PIP4K2A: variants seen among roughly 807,000 people sequenced by gnomAD.
PIP4K2A encodes phosphatidylinositol-5-phosphate 4-kinase type 2 alpha.
In PIP4K2A, 14 loss-of-function variants were observed where a neutral mutation model predicts 42.9. The ratio of observed to expected loss-of-function variants is 0.33; its 90% CI spans 0.22 to 0.51. The LOEUF (loss-of-function observed/expected upper bound fraction) is 0.51, where lower values mean the gene tolerates loss of function less well. Ranked by LOEUF, PIP4K2A falls within the 20% of genes least tolerant of loss-of-function variation. The probability of loss-of-function intolerance (pLI) is 0.97; values close to 1 mark genes in which losing one functional copy is unlikely to be tolerated. For missense variants in PIP4K2A, 434 were observed against 519.8 expected, an observed-to-expected ratio of 0.83 and a Z score of 1.61; for synonymous variants, 192 against 192.2, an observed-to-expected ratio of 1.00 and a Z score of 0.01.
At chr10:22,710,151 T>C (rs971906757) in intron 1 of PIP4K2A, among the ~76,000 whole-genome samples, 1 of 151,744 alleles carries the variant, frequency 6.6e-6, no homozygotes, top group Non-Finnish European at 1.5e-5. Flanking sequence ...TAATCAAAGC[T>C]ACTGACGCTC....
At chr10:22,558,309 C>A (rs566872762) in intron 6 of PIP4K2A, among the ~76,000 whole-genome samples, 35 of 152,284 alleles carry the variant, frequency 2.3e-4, no homozygotes, top group African/African-American at 8.4e-4. Flanking sequence ...TAAAAATCAG[C>A]ATCTATGGAA....
At chr10:22,678,587 T>C (rs556159839) in intron 1 of PIP4K2A, among the ~76,000 whole-genome samples, 1 of 152,328 alleles carries the variant, frequency 6.6e-6, no homozygotes, top group East Asian at 1.9e-4. Context: ...CTTTATGAAA[T>C]GAGTTTGCTG....
chr10:22,711,973 C>A (rs559673569), intron 1 of PIP4K2A, among the ~76,000 whole-genome samples: 1 of 152,206 alleles, frequency 6.6e-6, no homozygotes, highest in South Asian at 2.1e-4. Flanking sequence ...AAAATAAAGA[C>A]AGTTGGATAA....
rs143934507 is a variant in PIP4K2A at position 22,540,587 on chromosome 10, T to G, written c.1037-513A>C. ...ATTTTCTTTTTTTGAGACAGAGTTT[T>G]GTTCTTGTTGCCCAGGCTGGAGTGC... On this transcript the variant is annotated intron_variant, in intron 8 of 9. Transcript: ENST00000376573. Among the ~76,000 whole-genome samples, 488 of 152,274 alleles carry G rather than the reference T, an allele frequency of 3.2e-3. 1 individual carries two copies. The highest frequency in any genetic ancestry group is 0.011 in the African/African-American group (473 of 41,548).
chr10:22,637,226 TG>T (rs1838685731), intron 1 of PIP4K2A, among the ~76,000 whole-genome samples: 1 of 152,332 alleles, frequency 6.6e-6, no homozygotes, highest in African/African-American at 2.4e-5. Flanking sequence ...TTGGTCTCTC[TG>T]GAACTAAGCA....
chr10:22,616,528 C>A (rs975050819), intron 1 of PIP4K2A, among the ~76,000 whole-genome samples: 2 of 152,186 alleles, frequency 1.3e-5, no homozygotes, highest in Admixed American at 6.5e-5. Context: ...ACATAACTCA[C>A]ATGAGTTACC....
At chr10:22,596,981 AGT>A (rs1193507160) in intron 3 of PIP4K2A, among the ~76,000 whole-genome samples, 1 of 152,204 alleles carries the variant, frequency 6.6e-6, no homozygotes, top group Non-Finnish European at 1.5e-5. Context: ...GCCAATTTAG[AGT>A]GTGAGCCAGC....
chr10:22,704,985 G>A (rs1411130765), intron 1 of PIP4K2A, among the ~76,000 whole-genome samples: 2 of 152,160 alleles, frequency 1.3e-5, no homozygotes, highest in African/African-American at 4.8e-5. Context: ...TCTGTAGACT[G>A]ACGGACCCAG....
intron 4 of PIP4K2A, among the ~76,000 whole-genome samples, chr10:22,575,920 A>G (rs1837105338): frequency 6.6e-6 from 1 of 151,830 alleles, no homozygotes; most frequent in Admixed American, 6.6e-5. Context: ...CCTAGGTGAC[A>G]GAGCAAGACG....
intron 1 of PIP4K2A, among the ~76,000 whole-genome samples, chr10:22,615,392 C>A (rs1281293425): frequency 6.6e-6 from 1 of 152,150 alleles, no homozygotes; most frequent in East Asian, 1.9e-4. Flanking sequence ...CCTGTCCTTT[C>A]ATCAGTATTT....
At chr10:22,589,502 A>G (rs1301689364) in intron 4 of PIP4K2A, among the ~76,000 whole-genome samples, 2 of 152,256 alleles carry the variant, frequency 1.3e-5, no homozygotes, top group Non-Finnish European at 2.9e-5. Context: ...GAGGCTAATG[A>G]TTTTAGAAAA....
intron 1 of PIP4K2A, among the ~76,000 whole-genome samples, chr10:22,704,991 C>T (rs1833790547): frequency 6.6e-6 from 1 of 152,092 alleles, no homozygotes; most frequent in Admixed American, 6.6e-5. Context: ...GACTGACGGA[C>T]CCAGCTGTCC....
At chr10:22,567,764 T>C in intron 6 of PIP4K2A, 87 bp downstream of exon 6, 2 of 1,115,138 alleles carry the variant, frequency 1.8e-6, no homozygotes. Context: ...ATAGCAGGGG[T>C]GGGAGACTAG....
chr10:22,553,910 A>G (rs949014022), intron 6 of PIP4K2A, among the ~76,000 whole-genome samples: 1 of 148,832 alleles, frequency 6.7e-6, no homozygotes, highest in African/African-American at 2.5e-5. Context: ...CTGAGACAGG[A>G]GGTTCACTGG....
intron 1 of PIP4K2A, among the ~76,000 whole-genome samples, chr10:22,676,032 T>C (rs545066189): frequency 6.6e-6 from 1 of 152,304 alleles, no homozygotes; most frequent in East Asian, 1.9e-4. Flanking sequence ...TGATGGCACA[T>C]GGAGCTCCTT....
chr10:22,556,620 T>C (rs1370988212), intron 6 of PIP4K2A, among the ~76,000 whole-genome samples: 1 of 152,198 alleles, frequency 6.6e-6, no homozygotes, highest in African/African-American at 2.4e-5. Context: ...TAATAGTGGA[T>C]AATTTAGTGA....
chr10:22,650,225 T>C (rs1396813984), intron 1 of PIP4K2A, among the ~76,000 whole-genome samples: 1 of 152,226 alleles, frequency 6.6e-6, no homozygotes. Flanking sequence ...GTGAAGGTTT[T>C]ACAGTCATAT....
At chr10:22,669,914 G>A (rs1275873578) in intron 1 of PIP4K2A, among the ~76,000 whole-genome samples, 1 of 152,200 alleles carries the variant, frequency 6.6e-6, no homozygotes, top group African/African-American at 2.4e-5. Flanking sequence ...AGCCAGGCTG[G>A]GCCAGCCACT....
intron 1 of PIP4K2A, among the ~76,000 whole-genome samples, chr10:22,612,356 A>G (rs1838066275): frequency 6.6e-6 from 1 of 152,220 alleles, no homozygotes; most frequent in South Asian, 2.1e-4. Context: ...CCCAGGCCAG[A>G]TGGGGGAGGC....
Sources: gnomAD v4.1 joint callset for allele counts (sites outside exome capture counted in the v4.1 genomes callset) on GRCh38, gnomAD v4.1.1 for gene constraint, MANE v1.5 for transcripts, NCBI Gene and HGNC (gene_info 2026-07-23, HGNC 2026-07-21) for gene names.